Variants in CIAO2A observed in about 807,000 individuals in gnomAD.
The protein encoded by CIAO2A is cytosolic iron-sulfur assembly component 2A.
CIAO2A carries 17 observed loss-of-function variants against 22.4 expected under a neutral mutation model. The ratio of observed to expected loss-of-function variants is 0.76; its 90% CI spans 0.52 to 1.14. The LOEUF (loss-of-function observed/expected upper bound fraction) is 1.14. Among genes scored for constraint, CIAO2A ranks in the 50% most tolerant of loss-of-function variants. The pLI is 0.00. For synonymous variants in CIAO2A, 74 were observed against 72.3 expected (o/e 1.02, Z -0.12); for missense variants, 192 against 191.4 (o/e 1.00, Z -0.02).
chr15:64,080,987 A>G (rs542876136), intron 3 of CIAO2A, 115 bp downstream of exon 3: 13 of 979,214 alleles, frequency 1.3e-5, no homozygotes, highest in Non-Finnish European at 1.8e-5. Flanking sequence ...AGTAACAGAC[A>G]AGCAAAAACC....
chr15:64,078,354 G>C (rs2080733820), intron 3 of CIAO2A, among the ~76,000 whole-genome samples: 1 of 152,178 alleles, frequency 6.6e-6, no homozygotes, highest in Admixed American at 6.5e-5. Flanking sequence ...CAGCTAGCTG[G>C]TCAGGCATGG....
chr15:64,092,624 T>G (rs563543375), intron 1 of CIAO2A, among the ~76,000 whole-genome samples: 1 of 152,354 alleles, frequency 6.6e-6, no homozygotes, highest in South Asian at 2.1e-4. Context: ...GGATGTGGTC[T>G]GCTTTGTGGA....
At position 64,075,511 on chromosome 15, in the gene CIAO2A, G is replaced by C. The variant is rs145835867; in HGVS notation, c.366C>G (p.Thr122=). Residue 122 remains threonine (T), a synonymous_variant, in exon 4 of 5, where the codon ACC becomes ACG. Transcript: ENST00000300030. ...HKLEIYISEG[T]HSTEEDINKQ... is the part of the protein sequence containing the mutation. ...ACTTACTGTCTTCTTCTGTTGAGTG[G>C]GTTCCTTCAGAAATGTAGATTTCCA... 4.6e-4 allele frequency: 736 copies of C among 1,585,382 alleles called. 17 individuals carry two copies. In the East Asian group the frequency reaches 0.016, roughly 35 times the overall value.
In CIAO2A at chr15:64,081,308, G is replaced by A. The variant is rs553786604; in HGVS notation, c.290-157C>T. Among the ~76,000 whole-genome samples, 4 of 152,224 alleles carry A rather than the reference G, an allele frequency of 2.6e-5. No homozygotes were observed. The East Asian group carries it at 7.7e-4, about 29-fold the overall frequency. ...AGAGCTCCTTTGAGGCTGGCACCAC[G>A]CTAGGAAATTTAATATATAATCTTA... On this transcript the variant is annotated intron_variant, in intron 2 of 4. Coordinates refer to ENST00000300030, the MANE Select transcript of CIAO2A (RefSeq NM_032231.7).
At chr15:64,085,777 T>A (rs1278069718) in intron 2 of CIAO2A, among the ~76,000 whole-genome samples, 3 of 151,986 alleles carry the variant, frequency 2.0e-5, no homozygotes, top group Non-Finnish European at 4.4e-5. Context: ...GGCGTGACCT[T>A]CGCTCACTGC....
chr15:64,075,326 T>C, intron 4 of CIAO2A, 166 bp downstream of exon 4: 1 of 526,528 alleles, frequency 1.9e-6, no homozygotes, highest in East Asian at 3.4e-5. Context: ...CAAAAATTAC[T>C]TCTTTGAAAT....
intron 1 of CIAO2A, among the ~76,000 whole-genome samples, chr15:64,093,061 G>T (rs1227441343): frequency 6.6e-6 from 1 of 152,194 alleles, no homozygotes; most frequent in Non-Finnish European, 1.5e-5. Context: ...ATGCAACATG[G>T]AAGAGTGTGT....
At chr15:64,081,064 T>G (rs759649513) in intron 3 of CIAO2A, 38 bp downstream of exon 3, 4 of 1,593,772 alleles carry the variant, frequency 2.5e-6, no homozygotes, top group Admixed American at 1.7e-5. Flanking sequence ...CAAAGCTGTT[T>G]TACAACAACA....
At chr15:64,074,575 A>G (rs2080702220) in intron 4 of CIAO2A, 1 of 152,218 alleles carries the variant, frequency 6.6e-6, no homozygotes, top group Non-Finnish European at 1.5e-5. Context: ...TTCAGCCCAC[A>G]AAGAGTATAA....
chr15:64,092,563 T>G (rs1322483857), intron 1 of CIAO2A, among the ~76,000 whole-genome samples: 2 of 152,210 alleles, frequency 1.3e-5, no homozygotes, highest in Non-Finnish European at 2.9e-5. Flanking sequence ...AAGTTGTATC[T>G]CCAGTGCCCT....
chr15:64,081,068 A>G, intron 3 of CIAO2A, 34 bp downstream of exon 3: 3 of 1,557,604 alleles, frequency 1.9e-6, no homozygotes, highest in Admixed American at 1.7e-5. Flanking sequence ...GCTGTTTTAC[A>G]ACAACAACAA....
chr15:64,073,362 C>G (rs1040324180), intron 4 of CIAO2A, among the ~76,000 whole-genome samples: 2 of 151,998 alleles, frequency 1.3e-5, no homozygotes, highest in Non-Finnish European at 2.9e-5. Context: ...GGTTATTTAA[C>G]ATGGTAAAAG....
chr15:64,072,960 C>T lies in CIAO2A; in HGVS notation c.454G>A (p.Val152Met), dbSNP rs750682279. 3.7e-6 allele frequency: 6 copies of T among 1,613,692 alleles called. No individual in the cohort carries two copies. Among genetic ancestry groups the T allele is most frequent in the Non-Finnish European group, 5.1e-6 (6 of 1,179,790 alleles). Residue 152 changes from valine to methionine, a missense_variant, in exon 5 of 5, where the codon GTG becomes ATG. Coordinates refer to ENST00000300030, the MANE Select transcript of CIAO2A (RefSeq NM_032231.7). ...TCAGGTTCAAGGACACACTGTTCCACAATTTCCCGTAAGTTGGGGTTTTCC... is the reference window on the plus strand; with the variant it reads ...TCAGGTTCAAGGACACACTGTTCCATAATTTCCCGTAAGTTGGGGTTTTCC... Reference protein sequence around the residue: ...AMENPNLREIVEQCVLEPD With the variant: ...AMENPNLREIMEQCVLEPD
intron 1 of CIAO2A, among the ~76,000 whole-genome samples, chr15:64,091,302 T>C (rs1437735653): frequency 1.3e-5 from 2 of 151,976 alleles, no homozygotes; most frequent in African/African-American, 4.8e-5. Context: ...CTGGCCAACA[T>C]GGCAAAAACC....
intron 4 of CIAO2A, chr15:64,075,269 C>CGTT: frequency 2.3e-6 from 1 of 436,466 alleles, no homozygotes. Context: ...AGCCACTGGC[C>CGTT]TAAACCAGTC....
In CIAO2A at chr15:64,093,533, AC is replaced by A. The variant is rs374548976; in HGVS notation, c.124+111del. The A allele has an allele frequency of 1.4e-4, 172 of 1,266,582 alleles. No homozygotes were observed. The African/African-American group carries it at 2.0e-3, about 14-fold the overall frequency. The allele number at this position is 1,266,582 out of a possible 1,614,324, so 78.5% of individuals were successfully genotyped here. On this transcript the variant is annotated intron_variant, in intron 1 of 4. Coordinates refer to ENST00000300030, the MANE Select transcript of CIAO2A (RefSeq NM_032231.7). ...TGGCCAAAAACAAACAAACAAACAA[AC>A]AAAAAAAAAGGTCTCCCCTCCCAGC...
chr15:64,077,108 C>T (rs1358424993), intron 3 of CIAO2A, among the ~76,000 whole-genome samples: 2 of 152,082 alleles, frequency 1.3e-5, no homozygotes, highest in African/African-American at 2.4e-5. Context: ...GTCAGGAGAT[C>T]GAGACCATCC....
chr15:64,088,473 T>C (rs1279951969), intron 2 of CIAO2A, among the ~76,000 whole-genome samples: 1 of 152,228 alleles, frequency 6.6e-6, no homozygotes, highest in African/African-American at 2.4e-5. Context: ...TTCAGGTTCC[T>C]CATCTGCAAA....
chr15:64,075,273 A>G, intron 4 of CIAO2A: 1 of 443,028 alleles, frequency 2.3e-6, no homozygotes. Context: ...ACTGGCCTAA[A>G]CCAGTCAACA....
Sources: allele counts gnomAD v4.1 joint callset (sites outside exome capture counted in the v4.1 genomes callset), GRCh38; gene constraint gnomAD v4.1.1; transcripts MANE v1.5; gene names NCBI Gene and HGNC (gene_info 2026-07-23, HGNC 2026-07-21).